KIF16B: variants seen among roughly 807,000 people sequenced by gnomAD.
KIF16B encodes the protein kinesin family member 16B, also known as kinesin-like protein KIF16B.
Under a neutral mutation model 156.3 loss-of-function variants are expected in KIF16B, and 98 were observed. The ratio of observed to expected loss-of-function variants is 0.63; its 90% confidence interval spans 0.53 to 0.74. KIF16B has a LOEUF of 0.74. KIF16B is among the 30% of genes least tolerant of loss of function. KIF16B has a pLI of 0.00. For synonymous variants in KIF16B, 564 were observed against 583.7 expected, an observed-to-expected ratio of 0.97 and a Z score of 0.49; for missense variants, 1,421 against 1,606.5, an observed-to-expected ratio of 0.88 and a Z score of 1.97.
chr20:16,521,675 C>T (rs7509407), intron 3 of KIF16B, among the ~76,000 whole-genome samples: 18,254 of 151,992 alleles, frequency 0.12, 1,394 homozygotes, highest in African/African-American at 0.21. Context: ...GAGAACACCA[C>T]AAAAATACTC....
At chr20:16,537,293 G>T (rs2070008584) in intron 1 of KIF16B, among the ~76,000 whole-genome samples, 1 of 150,766 alleles carries the variant, frequency 6.6e-6, no homozygotes, top group Admixed American at 6.6e-5. Context: ...TCTTCCCACG[G>T]TCAACTCCCA....
intron 1 of KIF16B, among the ~76,000 whole-genome samples, chr20:16,533,216 C>T (rs1165451592): frequency 6.6e-6 from 1 of 152,110 alleles, no homozygotes; most frequent in Non-Finnish European, 1.5e-5. Flanking sequence ...GAGGGTCTAC[C>T]ACATTCCTCA....
At chr20:16,337,047 G>A (rs910128334) in intron 23 of KIF16B, among the ~76,000 whole-genome samples, 2 of 152,092 alleles carry the variant, frequency 1.3e-5, no homozygotes, top group African/African-American at 2.4e-5. Context: ...TCCTTAAGGC[G>A]AGCTTCATGC....
intron 22 of KIF16B, chr20:16,369,057 G>A (rs930950704): frequency 3.1e-5 from 31 of 985,666 alleles, no homozygotes; most frequent in Middle Eastern, 5.2e-4. Context: ...GGAATACCTC[G>A]GGTACTGAGG....
intron 22 of KIF16B, chr20:16,368,957 C>T (rs574119163): frequency 2.9e-4 from 288 of 985,822 alleles, no homozygotes; most frequent in Non-Finnish European, 3.2e-4. Flanking sequence ...GTGTTACTTT[C>T]GTTAAGAAAA....
intron 10 of KIF16B, among the ~76,000 whole-genome samples, chr20:16,501,972 C>T (rs547028866): frequency 4.3e-4 from 66 of 152,216 alleles, no homozygotes; most frequent in African/African-American, 1.4e-3. Flanking sequence ...CTGAACTATA[C>T]ACATATAACT....
At chr20:16,415,738 C>A (rs2066069704) in intron 15 of KIF16B, among the ~76,000 whole-genome samples, 1 of 152,134 alleles carries the variant, frequency 6.6e-6, no homozygotes, top group African/African-American at 2.4e-5. Flanking sequence ...TCACTATATG[C>A]CATTAAGACA....
intron 3 of KIF16B, 25 bp from the exon 4 acceptor site, chr20:16,515,689 A>T: frequency 8.0e-7 from 1 of 1,252,168 alleles, no homozygotes; most frequent in Non-Finnish European, 1.2e-6. Context: ...GAACACACAA[A>T]AGATACAATT....
intron 1 of KIF16B, among the ~76,000 whole-genome samples, chr20:16,531,620 G>A (rs924015314): frequency 3.3e-5 from 5 of 152,188 alleles, no homozygotes; most frequent in African/African-American, 1.2e-4. Flanking sequence ...GTGGGAACAC[G>A]CCAATGTTCT....
At chr20:16,562,202 G>GC (rs2147368226) in intron 1 of KIF16B, among the ~76,000 whole-genome samples, 1 of 152,212 alleles carries the variant, frequency 6.6e-6, no homozygotes, top group South Asian at 2.1e-4. Flanking sequence ...AGAGTATTCT[G>GC]CCCTATAAAC....
intron 22 of KIF16B, among the ~76,000 whole-genome samples, chr20:16,359,309 C>G (rs1366528449): frequency 6.6e-6 from 1 of 151,872 alleles, no homozygotes; most frequent in Non-Finnish European, 1.5e-5. Flanking sequence ...TGAGTTCTCA[C>G]CAGATCTGGT....
At chr20:16,504,839 G>A (rs910096126) in intron 9 of KIF16B, among the ~76,000 whole-genome samples, 7 of 152,146 alleles carry the variant, frequency 4.6e-5, no homozygotes, top group East Asian at 1.9e-4. Context: ...TGCTGAAAAC[G>A]TAAGAAGAAG....
At chr20:16,446,544 GT>G (rs1333550790) in intron 12 of KIF16B, among the ~76,000 whole-genome samples, 1 of 152,078 alleles carries the variant, frequency 6.6e-6, no homozygotes, top group Non-Finnish European at 1.5e-5. Context: ...TAGTAAATTT[GT>G]GCTTTATTAA....
chr20:16,444,897 TC>T (rs1041339340), intron 12 of KIF16B, among the ~76,000 whole-genome samples: 1 of 152,190 alleles, frequency 6.6e-6, no homozygotes, highest in African/African-American at 2.4e-5. Context: ...AAAAAAACCT[TC>T]CTTGAAGCTT....
chr20:16,402,443 C>T (rs1051917270), intron 17 of KIF16B, among the ~76,000 whole-genome samples: 7 of 152,082 alleles, frequency 4.6e-5, no homozygotes. Flanking sequence ...GATTTGTTGA[C>T]AGATGAATAT....
Position 16,379,500 on chromosome 20 carries a change from G to C in KIF16B, c.2502C>G (p.Val834=). ...RFFEFKRRQL[V]KLVNLEKDLV... is the part of the protein sequence containing the mutation. ...GGTCCTTCTCCAAGTTCACTAGCTT[G>C]ACAAGCTGCCTTCTCTTGAATTCGA... The change falls in exon 19 of 26, where the codon GTC becomes GTG. Residue 834 remains valine (V), a synonymous_variant. Transcript: ENST00000354981. 1.2e-6 allele frequency: 2 copies of C among 1,614,106 alleles called. No homozygotes were observed. The highest frequency in any genetic ancestry group is 1.7e-6 in the Non-Finnish European group (2 of 1,180,008).
intron 12 of KIF16B, among the ~76,000 whole-genome samples, chr20:16,461,599 C>A (rs1051128168): frequency 3.3e-5 from 5 of 152,116 alleles, no homozygotes; most frequent in Non-Finnish European, 7.4e-5. Context: ...GGATATACAA[C>A]CAGATAGAAG....
chr20:16,513,769 CA>C (rs1377903360), intron 4 of KIF16B, among the ~76,000 whole-genome samples: 2 of 150,102 alleles, frequency 1.3e-5, no homozygotes, highest in East Asian at 3.9e-4. Flanking sequence ...ATTATTTATA[CA>C]ATGTGGGTAT....
intron 1 of KIF16B, among the ~76,000 whole-genome samples, chr20:16,529,843 C>T (rs1437407386): frequency 6.6e-6 from 1 of 152,056 alleles, no homozygotes; most frequent in Admixed American, 6.6e-5. Context: ...CCCAGCTACT[C>T]GGGAGGCTGA....
Sources: allele counts gnomAD v4.1 joint callset (sites outside exome capture counted in the v4.1 genomes callset), GRCh38; gene constraint gnomAD v4.1.1; transcripts MANE v1.5; gene names NCBI Gene and HGNC (gene_info 2026-07-23, HGNC 2026-07-21).